ENOX1: variants seen among roughly 807,000 people sequenced by gnomAD.
The protein encoded by ENOX1 is ecto-NOX disulfide-thiol exchanger 1, also known as candidate growth-related and time keeping constitutive hydroquinone (NADH) oxidase.
In ENOX1, 42 loss-of-function variants were observed where a neutral mutation model predicts 82.5. That is an observed-to-expected ratio of 0.51 (90% CI 0.40 to 0.66). The LOEUF (loss-of-function observed/expected upper bound fraction) is 0.66, where lower values mean the gene tolerates loss of function less well. Among genes scored for constraint, ENOX1 ranks in the 30% least tolerant of loss-of-function variants. The pLI is 0.00. For synonymous variants in ENOX1, 271 were observed against 282.2 expected (o/e 0.96, Z 0.40); for missense variants, 608 against 811.6 (o/e 0.75, Z 3.05).
intron 2 of ENOX1, among the ~76,000 whole-genome samples, chr13:43,571,054 G>GAA (rs2080154774): frequency 6.6e-6 from 1 of 151,972 alleles, no homozygotes; most frequent in African/African-American, 2.4e-5. Flanking sequence ...TTTGAGTTTG[G>GAA]GAGAAGAAAT....
At chr13:43,390,202 A>T (rs1322705947) in intron 5 of ENOX1, among the ~76,000 whole-genome samples, 1 of 152,214 alleles carries the variant, frequency 6.6e-6, no homozygotes, top group Non-Finnish European at 1.5e-5. Flanking sequence ...TTAATTAGCT[A>T]AAGTAAATAT....
At chr13:43,523,701 C>A (rs1332274104) in intron 2 of ENOX1, among the ~76,000 whole-genome samples, 1 of 152,132 alleles carries the variant, frequency 6.6e-6, no homozygotes, top group Non-Finnish European at 1.5e-5. Flanking sequence ...TCCCTCCATC[C>A]TCCTGGTAGC....
At chr13:43,507,604 A>G (rs925649938) in intron 2 of ENOX1, among the ~76,000 whole-genome samples, 2 of 152,028 alleles carry the variant, frequency 1.3e-5, no homozygotes, top group Non-Finnish European at 2.9e-5. Context: ...CGGAGTATTT[A>G]CTTCCCACAT....
rs563049104 is a variant in ENOX1, at chr13:43,585,274, G to C, written c.-219+82205C>G. On this transcript the variant is annotated intron_variant, in intron 2 of 16. Coordinates refer to ENST00000690772, the MANE Select transcript of ENOX1 (RefSeq NM_001347969.2). ...TTAGGAGCTAGAAGAGGAAAGAAAA[G>C]GTTCTGCCCTAGAAGATTGGGAGGC... Among the ~76,000 whole-genome samples, 16 of 152,290 alleles carry C rather than the reference G, an allele frequency of 1.1e-4. No homozygotes were observed. In the East Asian group the frequency reaches 1.7e-3, roughly 17 times the overall value.
intron 15 of ENOX1, among the ~76,000 whole-genome samples, chr13:43,235,114 C>T (rs1249647307): frequency 6.6e-6 from 1 of 152,170 alleles, no homozygotes; most frequent in Non-Finnish European, 1.5e-5. Context: ...CAGACTTGGA[C>T]ATGTTTTCCA....
At chr13:43,674,577 G>T (rs1465049596) in intron 1 of ENOX1, among the ~76,000 whole-genome samples, 5 of 152,238 alleles carry the variant, frequency 3.3e-5, no homozygotes, top group African/African-American at 9.6e-5. Context: ...CAGGGGTTGT[G>T]GGGGAGGGAA....
At chr13:43,752,566 G>A (rs1950378496) in intron 1 of ENOX1, among the ~76,000 whole-genome samples, 2 of 152,158 alleles carry the variant, frequency 1.3e-5, no homozygotes, top group African/African-American at 2.4e-5. Context: ...TATAAAATAT[G>A]GTTTGATGTT....
intron 5 of ENOX1, among the ~76,000 whole-genome samples, chr13:43,379,859 C>T (rs1404559511): frequency 1.3e-5 from 2 of 151,626 alleles, no homozygotes; most frequent in African/African-American, 4.8e-5. Flanking sequence ...GAGGGAACAT[C>T]ATAATGAAGT....
chr13:43,375,578 G>C (rs540316567), intron 5 of ENOX1, among the ~76,000 whole-genome samples: 83 of 152,326 alleles, frequency 5.4e-4, no homozygotes, highest in South Asian at 1.0e-3. Flanking sequence ...GTTAGAAAGT[G>C]GCAGTGTTAT....
chr13:43,729,423 A>T (rs1250966182), intron 1 of ENOX1, among the ~76,000 whole-genome samples: 1 of 151,816 alleles, frequency 6.6e-6, no homozygotes, highest in Non-Finnish European at 1.5e-5. Flanking sequence ...GTAGCACAGG[A>T]AACACTTAAT....
chr13:43,711,996 C>T (rs1594520372), intron 1 of ENOX1, among the ~76,000 whole-genome samples: 1 of 149,538 alleles, frequency 6.7e-6, no homozygotes, highest in South Asian at 2.2e-4. Context: ...AGTCCTTGCC[C>T]ATGCCTATGT....
At chr13:43,639,526 A>C (rs2083546277) in intron 2 of ENOX1, among the ~76,000 whole-genome samples, 1 of 152,180 alleles carries the variant, frequency 6.6e-6, no homozygotes, top group African/African-American at 2.4e-5. Flanking sequence ...TTGAAATAAA[A>C]GGCACTGATG....
At chr13:43,397,727 T>C (rs2053241624) in intron 5 of ENOX1, among the ~76,000 whole-genome samples, 1 of 152,218 alleles carries the variant, frequency 6.6e-6, no homozygotes. Flanking sequence ...AAGAGGAAAA[T>C]ATAGTTTATT....
intron 7 of ENOX1, 52 bp downstream of exon 7, chr13:43,359,799 A>G (rs2050379243): frequency 3.3e-6 from 5 of 1,537,058 alleles, no homozygotes; most frequent in Admixed American, 3.4e-5. Context: ...TCATATTAAC[A>G]TCACAAAACA....
chr13:43,459,527 A>G (rs2057371562), intron 3 of ENOX1: 1 of 152,110 alleles, frequency 6.6e-6, no homozygotes, highest in Non-Finnish European at 1.5e-5. Flanking sequence ...ATCTAACAAC[A>G]CTTATTTTTA....
At chr13:43,683,887 G>A (rs8002490) in intron 1 of ENOX1, among the ~76,000 whole-genome samples, 11,261 of 151,780 alleles carry the variant, frequency 0.074, 654 homozygotes, top group East Asian at 0.26. Context: ...ACCATGTGTC[G>A]CAAAGGACAC....
At chr13:43,230,128 G>T (rs565455511) in intron 15 of ENOX1, among the ~76,000 whole-genome samples, 1 of 152,132 alleles carries the variant, frequency 6.6e-6, no homozygotes, top group African/African-American at 2.4e-5. Flanking sequence ...ACTCTGAGAG[G>T]GTTTAATCAA....
At chr13:43,625,884 C>T (rs2082941298) in intron 2 of ENOX1, among the ~76,000 whole-genome samples, 2 of 151,800 alleles carry the variant, frequency 1.3e-5, no homozygotes, top group Non-Finnish European at 3.0e-5. Flanking sequence ...TGCTTCCTTT[C>T]CTATTTTCTG....
At chr13:43,346,971 A>T (rs2049425864) in intron 8 of ENOX1, among the ~76,000 whole-genome samples, 1 of 152,218 alleles carries the variant, frequency 6.6e-6, no homozygotes, top group Non-Finnish European at 1.5e-5. Context: ...TACATAACAC[A>T]GAGAAAGAAA....
Sources: gnomAD v4.1 joint callset for allele counts (sites outside exome capture counted in the v4.1 genomes callset) on GRCh38, gnomAD v4.1.1 for gene constraint, MANE v1.5 for transcripts, NCBI Gene and HGNC (gene_info 2026-07-23, HGNC 2026-07-21) for gene names.